Variants in MYO6 observed in about 807,000 individuals in gnomAD.
MYO6 encodes unconventional myosin-VI.
In MYO6, 74 loss-of-function variants were observed where a neutral mutation model predicts 178.7. The ratio of observed to expected loss-of-function variants is 0.41; its 90% CI spans 0.34 to 0.50. The LOEUF is 0.50. Among genes scored for constraint, MYO6 ranks in the 20% least tolerant of loss-of-function variants. The pLI is 0.09. For synonymous variants in MYO6, 477 were observed against 504.6 expected (o/e 0.95, Z 0.73); for missense variants, 1,330 against 1,547.4 (o/e 0.86, Z 2.36).
chr6:75,890,196 T>A lies in MYO6; in HGVS notation c.2798T>A (p.Met933Lys). 4 of 1,607,434 alleles carry A rather than the reference T, an allele frequency of 2.5e-6. No individual in the cohort carries two copies. The highest frequency in any genetic ancestry group is 2.7e-5 in the African/African-American group (2 of 73,438). The change falls in exon 26 of 35, where the codon ATG becomes AAG. Residue 933 changes from methionine (M) to lysine (K), a missense_variant. Met to Lys is a moderately conservative substitution (Grantham distance 95). Transcript: ENST00000369977. Reference protein sequence around the residue: ...AERLRRIQEEMEKERKRREED... With the variant: ...AERLRRIQEEKEKERKRREED... ...AGGCTGAGGCGTATTCAAGAAGAAA[T>A]GGAAAAGGAAAGAAAAAGACGTGAA... is the stretch of plus-strand genomic sequence containing the variant.
At chr6:75,872,426 G>A (rs1777228160) in intron 19 of MYO6, among the ~76,000 whole-genome samples, 4 of 152,138 alleles carry the variant, frequency 2.6e-5, no homozygotes, top group Admixed American at 6.5e-5. Flanking sequence ...CCTACTGTAT[G>A]TTTTTGAAAT....
At chr6:75,846,984 TTTTGAC>T (rs1321187918) in intron 10 of MYO6, among the ~76,000 whole-genome samples, 1 of 152,150 alleles carries the variant, frequency 6.6e-6, no homozygotes, top group African/African-American at 2.4e-5. Context: ...GAGGTGATCA[TTTTGAC>T]TAATTAAACC....
chr6:75,895,136 A>G, intron 28 of MYO6, 95 bp from the exon 29 acceptor site: 1 of 918,058 alleles, frequency 1.1e-6, no homozygotes. Context: ...TTTTAAAATC[A>G]ATGAGTAAAG....
chr6:75,831,264 G>A (rs898782668), intron 5 of MYO6, among the ~76,000 whole-genome samples: 3 of 152,158 alleles, frequency 2.0e-5, no homozygotes, highest in Admixed American at 6.5e-5. Flanking sequence ...GAACTAGTTC[G>A]TAGTGCATCC....
At chr6:75,772,684 T>C (rs537576077) in intron 1 of MYO6, among the ~76,000 whole-genome samples, 1 of 152,318 alleles carries the variant, frequency 6.6e-6, no homozygotes, top group African/African-American at 2.4e-5. Context: ...AAGTTACCGA[T>C]GTGTTTTCAG....
rs73751009 is a variant in MYO6, at chr6:75,792,458, A to G, written c.-47-25043A>G. Among the ~76,000 whole-genome samples the G allele has an allele frequency of 3.1e-3, 468 of 152,244 alleles. 1 individual carries two copies. The highest frequency in any genetic ancestry group is 0.011 in the African/African-American group (448 of 41,564). On this transcript the variant is annotated intron_variant, in intron 1 of 34. Transcript: ENST00000369977. Reference sequence around the variant, plus strand: ...GCCATGGAAACTAAAGATCCCATTTATTTTTGTCATTATGCCAAAAAATAA... The same window carrying G: ...GCCATGGAAACTAAAGATCCCATTTGTTTTTGTCATTATGCCAAAAAATAA...
chr6:75,869,988 C>T (rs1336181911), intron 18 of MYO6, among the ~76,000 whole-genome samples: 1 of 151,936 alleles, frequency 6.6e-6, no homozygotes, highest in Admixed American at 6.6e-5. Flanking sequence ...GTGGTGGGCG[C>T]CTGTAATCCC....
chr6:75,754,525 A>AAAAAG (rs1352553069), intron 1 of MYO6, among the ~76,000 whole-genome samples: 1 of 150,314 alleles, frequency 6.7e-6, no homozygotes. Context: ...GTCTCAAAAA[A>AAAAAG]AAAAAAAAAA....
chr6:75,784,461 G>A (rs768354513), intron 1 of MYO6, among the ~76,000 whole-genome samples: 19 of 151,908 alleles, frequency 1.3e-4, no homozygotes, highest in Non-Finnish European at 2.1e-4. Flanking sequence ...GGATATGGCA[G>A]TATGGAGAAG....
intron 33 of MYO6, among the ~76,000 whole-genome samples, chr6:75,913,550 A>G (rs1197830095): frequency 6.6e-6 from 1 of 152,188 alleles, no homozygotes; most frequent in African/African-American, 2.4e-5. Flanking sequence ...TGTTGGCAAA[A>G]GAAAAAATTT....
chr6:75,886,144 A>C, intron 24 of MYO6, 50 bp downstream of exon 24: 1 of 1,242,698 alleles, frequency 8.0e-7, no homozygotes. Flanking sequence ...AGTTACTGTA[A>C]TACAAAATGA....
At chr6:75,823,762 T>G (rs1772150161) in intron 3 of MYO6, among the ~76,000 whole-genome samples, 1 of 152,200 alleles carries the variant, frequency 6.6e-6, no homozygotes, top group African/African-American at 2.4e-5. Flanking sequence ...TGATTCTATG[T>G]TGTTAGGAGG....
At chr6:75,848,151 T>C (rs1562243202) in intron 10 of MYO6, among the ~76,000 whole-genome samples, 200 bp from the exon 11 acceptor site, 1 of 152,158 alleles carries the variant, frequency 6.6e-6, no homozygotes, top group African/African-American at 2.4e-5. Flanking sequence ...TCACATGTAG[T>C]AAATAGTGAA....
At chr6:75,751,972 A>G (rs797016000) in intron 1 of MYO6, among the ~76,000 whole-genome samples, 20 of 152,120 alleles carry the variant, frequency 1.3e-4, no homozygotes, top group African/African-American at 3.9e-4. Context: ...TATAACTTAA[A>G]TAAATCTCAG....
chr6:75,860,402 A>G (rs928472062), intron 14 of MYO6, among the ~76,000 whole-genome samples: 1 of 152,264 alleles, frequency 6.6e-6, no homozygotes, highest in Non-Finnish European at 1.5e-5. Flanking sequence ...CCTCTAATTT[A>G]ACATAAGCTA....
chr6:75,822,768 G>A lies in MYO6; in HGVS notation c.118-14G>A, dbSNP rs1554202914. ...AAAGCCTTGAGTTTAATGAGCATTT[G>A]TTTTGCTTGTTAGACATTTTTGGCT... On this transcript the variant is annotated splice_polypyrimidine_tract_variant and intron_variant, in intron 2 of 34. Transcript: ENST00000369977. 3.1e-6 allele frequency: 5 copies of A among 1,610,994 alleles called. No individual in the cohort carries two copies. In the South Asian group the frequency reaches 5.5e-5, roughly 18 times the overall value.
intron 16 of MYO6, among the ~76,000 whole-genome samples, chr6:75,866,072 A>AAGAT (rs10673815): frequency 0.15 from 23,373 of 152,094 alleles, 1,915 homozygotes; most frequent in African/African-American, 0.2. Context: ...TGACGTGATA[A>AAGAT]AGATAGATTT....
At chr6:75,832,751 C>G in intron 5 of MYO6, 91 bp from the exon 6 acceptor site, 1 of 749,402 alleles carries the variant, frequency 1.3e-6, no homozygotes, top group Non-Finnish European at 2.3e-6. Context: ...TTTATGATTT[C>G]TTTAAGAGTA....
intron 33 of MYO6, among the ~76,000 whole-genome samples, chr6:75,912,440 G>T (rs2104203): frequency 0.23 from 34,667 of 151,950 alleles, 5,152 homozygotes; most frequent in Middle Eastern, 0.38. Flanking sequence ...TAATGTCTGT[G>T]TCTTTGTGTT....
Sources: allele counts gnomAD v4.1 joint callset (sites outside exome capture counted in the v4.1 genomes callset), GRCh38; gene constraint gnomAD v4.1.1; transcripts MANE v1.5; gene names NCBI Gene and HGNC (gene_info 2026-07-23, HGNC 2026-07-21).